Variants in LPP observed in about 807,000 individuals in gnomAD.
The protein encoded by LPP is LIM domain containing preferred translocation partner in lipoma.
A neutral mutation model predicts 60.4 loss-of-function variants in LPP; 38 were observed. The ratio of observed to expected loss-of-function variants is 0.63; its 90% confidence interval spans 0.49 to 0.83. The LOEUF is 0.83. Among genes scored for constraint, LPP ranks in the 40% least tolerant of loss-of-function variants. The pLI is 0.00. For synonymous variants in LPP, 328 were observed against 290.8 expected, an observed-to-expected ratio of 1.13 and a Z score of -1.30; for missense variants, 902 against 783.6, an observed-to-expected ratio of 1.15 and a Z score of -1.80.
intron 7 of LPP, among the ~76,000 whole-genome samples, chr3:188,653,341 CT>C (rs1852473340): frequency 6.6e-6 from 1 of 152,124 alleles, no homozygotes; most frequent in Non-Finnish European, 1.5e-5. Context: ...TATTACTTTT[CT>C]TTTGTACTTG....
chr3:188,284,655 G>A (rs760219853), intron 2 of LPP, among the ~76,000 whole-genome samples: 33 of 152,204 alleles, frequency 2.2e-4, no homozygotes, highest in Non-Finnish European at 4.1e-4. Flanking sequence ...GTGTGCATGA[G>A]TGTGTATTGG....
intron 2 of LPP, among the ~76,000 whole-genome samples, chr3:188,312,117 C>T (rs1213847831): frequency 6.6e-6 from 1 of 151,878 alleles, no homozygotes; most frequent in Non-Finnish European, 1.5e-5. Context: ...TAGAAATAAA[C>T]TGGGTATAAA....
intron 4 of LPP, among the ~76,000 whole-genome samples, chr3:188,444,415 C>T (rs1374534025): frequency 2.6e-5 from 4 of 152,018 alleles, no homozygotes; most frequent in South Asian, 2.1e-4. Flanking sequence ...ATGCCCGACT[C>T]GTTGATTGCA....
intron 9 of LPP, among the ~76,000 whole-genome samples, chr3:188,816,816 T>TA (rs1271828205): frequency 2.0e-5 from 3 of 152,250 alleles, no homozygotes; most frequent in Non-Finnish European, 4.4e-5. Flanking sequence ...CTAAATACTA[T>TA]AAAAATCTTA....
chr3:188,427,034 C>A (rs2149102235), intron 4 of LPP, among the ~76,000 whole-genome samples: 1 of 152,206 alleles, frequency 6.6e-6, no homozygotes, highest in Non-Finnish European at 1.5e-5. Flanking sequence ...GATGCAGTTT[C>A]TTCATGGTGT....
chr3:188,165,466 G>C (rs909378747), intron 1 of LPP, among the ~76,000 whole-genome samples: 1 of 152,166 alleles, frequency 6.6e-6, no homozygotes, highest in Non-Finnish European at 1.5e-5. Context: ...AGTGCATGGT[G>C]CCTTGAAAAA....
At chr3:188,493,625 T>G (rs1809041684) in intron 5 of LPP, among the ~76,000 whole-genome samples, 1 of 152,084 alleles carries the variant, frequency 6.6e-6, no homozygotes, top group African/African-American at 2.4e-5. Context: ...TTTATTTTTG[T>G]AGAGACAGGG....
chr3:188,339,883 T>C (rs1484234857), intron 2 of LPP, among the ~76,000 whole-genome samples: 2 of 152,212 alleles, frequency 1.3e-5, no homozygotes, highest in Non-Finnish European at 2.9e-5. Flanking sequence ...TCTGAGAAAG[T>C]GTTTATGGTA....
At position 188,384,010 on chromosome 3, in the gene LPP, C is replaced by T. The variant is rs186403249; in HGVS notation, c.-9-22102C>T. On this transcript the variant is annotated intron_variant, in intron 3 of 11. Coordinates refer to ENST00000617246, the MANE Select transcript of LPP (RefSeq NM_001375462.1). ...CACATTTGTTTTACACGTTCCTCTC[C>T]TTAGAAAGAGATAAGTATGGTTTCT... Among the ~76,000 whole-genome samples the T allele has an allele frequency of 2.3e-3, 346 of 152,258 alleles. 4 individuals carry two copies. The highest frequency in any genetic ancestry group is 8.1e-3 in the African/African-American group (335 of 41,552).
intron 8 of LPP, among the ~76,000 whole-genome samples, chr3:188,757,044 C>T (rs9832630): frequency 0.21 from 31,662 of 152,184 alleles, 3,803 homozygotes; most frequent in Middle Eastern, 0.39. Flanking sequence ...TCCACCTTTA[C>T]CTTTCAAAAT....
chr3:188,705,744 G>A (rs538326942), intron 7 of LPP, among the ~76,000 whole-genome samples: 77 of 152,124 alleles, frequency 5.1e-4, no homozygotes, highest in African/African-American at 1.8e-3. Flanking sequence ...AGCCTCCTGA[G>A]TAGCTGGGAT....
chr3:188,691,838 T>A (rs960614934), intron 7 of LPP, among the ~76,000 whole-genome samples: 2 of 152,218 alleles, frequency 1.3e-5, no homozygotes, highest in Non-Finnish European at 2.9e-5. Context: ...GTAGAGCACA[T>A]TAAGTTCTTT....
intron 9 of LPP, among the ~76,000 whole-genome samples, chr3:188,843,742 G>C (rs1033389895): frequency 6.8e-5 from 9 of 132,418 alleles, no homozygotes; most frequent in African/African-American, 2.3e-4. Context: ...AGCCGAGATC[G>C]CGCCACTGCA....
chr3:188,843,546 G>C (rs1760586845), intron 9 of LPP, among the ~76,000 whole-genome samples: 2 of 151,872 alleles, frequency 1.3e-5, no homozygotes, highest in Admixed American at 1.3e-4. Context: ...CCAGCACTTC[G>C]GGAGGCCGAG....
intron 4 of LPP, among the ~76,000 whole-genome samples, chr3:188,424,527 TC>T (rs1190212517): frequency 6.6e-6 from 1 of 152,198 alleles, no homozygotes; most frequent in Non-Finnish European, 1.5e-5. Flanking sequence ...TAGCATTGAA[TC>T]TGTAAATTAC....
intron 9 of LPP, among the ~76,000 whole-genome samples, chr3:188,773,770 A>G (rs6808275): frequency 0.27 from 40,468 of 152,068 alleles, 5,622 homozygotes; most frequent in Middle Eastern, 0.34. Context: ...AGCATAACAC[A>G]TGTACACGTA....
chr3:188,598,986 A>G (rs1298911194), intron 6 of LPP, among the ~76,000 whole-genome samples: 1 of 152,164 alleles, frequency 6.6e-6, no homozygotes, highest in East Asian at 1.9e-4. Flanking sequence ...ATGCTTCAGC[A>G]AACGAGGTCG....
intron 1 of LPP, chr3:188,180,690 A>T (rs1281696299): frequency 1.3e-5 from 2 of 152,834 alleles, no homozygotes; most frequent in East Asian, 3.9e-4. Flanking sequence ...GGTGCTTTTC[A>T]TGATTTTATG....
At chr3:188,397,521 C>T (rs1258409854) in intron 3 of LPP, among the ~76,000 whole-genome samples, 1 of 152,102 alleles carries the variant, frequency 6.6e-6, no homozygotes, top group African/African-American at 2.4e-5. Flanking sequence ...GCTGTTGTTT[C>T]CCTGTCAGGG....
Sources: gnomAD v4.1 joint callset for allele counts (sites outside exome capture counted in the v4.1 genomes callset) on GRCh38, gnomAD v4.1.1 for gene constraint, MANE v1.5 for transcripts, NCBI Gene and HGNC (gene_info 2026-07-23, HGNC 2026-07-21) for gene names.